The following CCDC33 variants were observed in gnomAD, a reference collection of about 807,000 sequenced individuals.
The protein encoded by CCDC33 is coiled-coil domain containing 33, also known as coiled-coil domain-containing protein 33.
CCDC33 carries 94 observed loss-of-function variants against 91.9 expected under a neutral mutation model. The observed-to-expected ratio is 1.02, with a 90% CI of 0.87 to 1.21. The LOEUF (loss-of-function observed/expected upper bound fraction) is 1.21. Among genes scored for constraint, CCDC33 ranks in the 50% most tolerant of loss-of-function variants. The pLI is 0.00. For missense variants in CCDC33, 940 were observed against 935.5 expected, an observed-to-expected ratio of 1.00 and a Z score of -0.06; for synonymous variants, 396 against 374.5, an observed-to-expected ratio of 1.06 and a Z score of -0.66.
intron 2 of CCDC33, 65 bp from the exon 3 acceptor site, chr15:74,262,375 T>G (rs1183542242): frequency 1.4e-5 from 22 of 1,596,422 alleles, no homozygotes; most frequent in Non-Finnish European, 1.5e-5. Flanking sequence ...CAGTGGAGCC[T>G]GGGATGGGGA....
In CCDC33 at chr15:74,244,268, G is replaced by A; in HGVS notation, c.185+120G>A. ...AGGACTGGGACTGTCATACCCAGAG[G>A]GGAGGAGCTGCTGTGGGCACTACCT... On this transcript the variant is annotated intron_variant, in intron 2 of 18. Coordinates refer to ENST00000398814, the MANE Select transcript of CCDC33 (RefSeq NM_025055.5). This position sits in a 1 kb window ranked among gnomAD's most constrained non-coding sequence, Gnocchi z 4.2. 7.7e-7 allele frequency: 1 copy of A among 1,297,606 alleles called. No homozygotes were observed. The highest frequency in any genetic ancestry group is 1.0e-6 in the Non-Finnish European group (1 of 961,454). The allele number at this position is 1,297,606 out of a possible 1,614,324, so 80.4% of individuals were successfully genotyped here.
rs1175317252 is a variant in CCDC33 at position 74,269,709 on chromosome 15, G to A, written c.546+1251G>A. 2.0e-5 allele frequency among the ~76,000 whole-genome samples: 3 copies of A among 151,368 alleles called. No homozygotes were observed. In the South Asian group the frequency reaches 6.3e-4, roughly 32 times the overall value. On this transcript the variant is annotated intron_variant, in intron 5 of 18. Coordinates refer to ENST00000398814, the MANE Select transcript of CCDC33 (RefSeq NM_025055.5). ...CTCTGACTTGCCTGGTAGAGCGGTA[G>A]AGTAGGGGCCTTCTCTGGCTCACAG...
intron 10 of CCDC33, among the ~76,000 whole-genome samples, chr15:74,289,241 G>C (rs1012483670): frequency 3.3e-5 from 5 of 152,184 alleles, no homozygotes; most frequent in African/African-American, 1.2e-4. Context: ...ATGAAATGGG[G>C]GAAGAGACAG....
chr15:74,209,621 T>G (rs1463855943), intron 2 of CCDC33: 1 of 611,724 alleles, frequency 1.6e-6, no homozygotes, highest in Non-Finnish European at 2.8e-6. Context: ...GCTGGGGTTC[T>G]GGAGTCCTGC....
intron 1 of CCDC33, among the ~76,000 whole-genome samples, chr15:74,239,830 G>T (rs1482294139): frequency 0.12 from 1 of 8 alleles, no homozygotes; most frequent in African/African-American, 0.25. Flanking sequence ...TGAGAGTTAC[G>T]GGGGGGGTAC....
intron 2 of CCDC33, among the ~76,000 whole-genome samples, chr15:74,250,646 C>T (rs935154808): frequency 7.2e-5 from 11 of 152,330 alleles, no homozygotes; most frequent in African/African-American, 2.4e-4. Context: ...CTCCCCATCC[C>T]GCCTCCACTG....
At chr15:74,281,026 C>T (rs1325553345) in intron 9 of CCDC33, among the ~76,000 whole-genome samples, 1 of 152,240 alleles carries the variant, frequency 6.6e-6, no homozygotes, top group African/African-American at 2.4e-5. Context: ...AGAGAAATTG[C>T]CCCTGAGCAA....
intron 11 of CCDC33, among the ~76,000 whole-genome samples, chr15:74,307,285 C>G (rs55865741): frequency 6.6e-6 from 1 of 152,174 alleles, no homozygotes; most frequent in African/African-American, 2.4e-5. Flanking sequence ...CCAGCCCAAC[C>G]TTAGTACTCA....
intron 2 of CCDC33, among the ~76,000 whole-genome samples, chr15:74,260,214 A>G (rs1001496933): frequency 1.3e-5 from 2 of 152,136 alleles, no homozygotes; most frequent in Non-Finnish European, 2.9e-5. Flanking sequence ...ACAGAGCCGG[A>G]GGGAAAAAGG....
At chr15:74,263,224 T>C (rs1301635704) in intron 3 of CCDC33, among the ~76,000 whole-genome samples, 1 of 152,216 alleles carries the variant, frequency 6.6e-6, no homozygotes, top group African/African-American at 2.4e-5. Flanking sequence ...ATTTCCATTC[T>C]CCTGGGGGAG....
exon 2 of CCDC33, chr15:74,209,435 C>G (rs767163302): frequency 6.5e-7 from 1 of 1,535,486 alleles, no homozygotes; most frequent in African/African-American, 1.4e-5. Flanking sequence ...CAGCTCGGCT[C>G]TTAATAACCG....
chr15:74,273,790 G>T (rs189117763), intron 7 of CCDC33, among the ~76,000 whole-genome samples: 1 of 150,650 alleles, frequency 6.6e-6, no homozygotes, highest in South Asian at 2.1e-4. Flanking sequence ...TTAATCAGAG[G>T]AGAGGGATGT....
At chr15:74,236,856 C>CA in intron 1 of CCDC33, 116 bp downstream of exon 1, 1 of 998,996 alleles carries the variant, frequency 1.0e-6, no homozygotes, top group African/African-American at 1.6e-5. Context: ...CCCTGGGTCT[C>CA]AGTTTTCACA....
chr15:74,309,541 T>A (rs758591806), intron 11 of CCDC33, among the ~76,000 whole-genome samples: 2 of 152,124 alleles, frequency 1.3e-5, no homozygotes, highest in Non-Finnish European at 2.9e-5. Context: ...CTAGCCCTTA[T>A]CCCCAGGCTG....
At chr15:74,219,223 CTCAAGCCCATCT>C (rs938437440) in intron 2 of CCDC33, among the ~76,000 whole-genome samples, 8 of 152,226 alleles carry the variant, frequency 5.3e-5, no homozygotes, top group African/African-American at 1.4e-4. Context: ...TGTGCCCACC[CTCAAGCCCATCT>C]AGCATCCACC....
chr15:74,328,375 C>G (rs976387947), intron 11 of CCDC33, among the ~76,000 whole-genome samples: 1 of 152,232 alleles, frequency 6.6e-6, no homozygotes, highest in Non-Finnish European at 1.5e-5. Context: ...ACTCTTGAGC[C>G]TCACAGCAAC....
chr15:74,261,154 GA>G (rs2076012043), intron 2 of CCDC33, among the ~76,000 whole-genome samples: 1 of 152,174 alleles, frequency 6.6e-6, no homozygotes, highest in Non-Finnish European at 1.5e-5. Context: ...AGCACAGCAG[GA>G]GTCCTCAGTT....
At chr15:74,254,861 C>A (rs910765630) in intron 2 of CCDC33, among the ~76,000 whole-genome samples, 3 of 151,618 alleles carry the variant, frequency 2.0e-5, no homozygotes, top group Non-Finnish European at 2.9e-5. Context: ...AATTCTCCTG[C>A]CTCAGCCTCC....
chr15:74,281,696 A>C, intron 9 of CCDC33, 82 bp from the exon 10 acceptor site: 1 of 1,268,364 alleles, frequency 7.9e-7, no homozygotes, highest in Non-Finnish European at 1.1e-6. Flanking sequence ...GACACCTTCC[A>C]GAGAAATCTA....
Sources: allele counts gnomAD v4.1 joint callset (sites outside exome capture counted in the v4.1 genomes callset), GRCh38; gene constraint gnomAD v4.1.1; non-coding constraint Gnocchi (gnomAD v3.1); transcripts MANE v1.5; gene names NCBI Gene and HGNC (gene_info 2026-07-23, HGNC 2026-07-21).